The following EEA1 variants were observed in gnomAD, a reference collection of about 807,000 sequenced individuals.
The protein encoded by EEA1 is early endosome antigen 1.
In EEA1, 111 loss-of-function variants were observed where a neutral mutation model predicts 209.2. That is an observed-to-expected ratio of 0.53 (90% CI 0.45 to 0.62). The LOEUF (loss-of-function observed/expected upper bound fraction) is 0.62, where lower values mean the gene tolerates loss of function less well. EEA1 is among the 20% of genes least tolerant of loss of function. The probability of loss-of-function intolerance (pLI) is 0.00; values close to 1 mark genes in which losing one functional copy is unlikely to be tolerated. For synonymous variants in EEA1, 536 were observed against 540.6 expected (o/e 0.99, Z 0.12); for missense variants, 1,343 against 1,530.8 (o/e 0.88, Z 2.05).
intron 18 of EEA1, among the ~76,000 whole-genome samples, chr12:92,806,606 G>T (rs1875217900): frequency 6.6e-6 from 1 of 152,142 alleles, no homozygotes; most frequent in South Asian, 2.1e-4. Context: ...AAAGGAGGAG[G>T]AAATACTTCT....
chr12:92,925,672 C>G (rs140687493), intron 1 of EEA1, among the ~76,000 whole-genome samples: 36 of 152,298 alleles, frequency 2.4e-4, no homozygotes, highest in African/African-American at 7.2e-4. Flanking sequence ...CATATTGGAG[C>G]TACTTCACTT....
In EEA1 at chr12:92,801,663, C is replaced by T; in HGVS notation, c.2709G>A (p.Val903=). ...TCKELKHQLQ[V]QMENTLKEQK... is the part of the protein sequence containing the mutation. The stretch of plus-strand genomic sequence containing the variant: ...GTTCCTTAAGTGTGTTTTCCATCTG[C>T]ACTTGAAGTTGATGCTTTAATTCTT... Residue 903 remains valine (V), a synonymous_variant, in exon 20 of 29, where the codon GTG becomes GTA. Transcript: ENST00000322349. 1.3e-6 allele frequency: 2 copies of T among 1,597,294 alleles called. No homozygotes were observed. The highest frequency in any genetic ancestry group is 1.2e-5 in the South Asian group (1 of 86,784).
At chr12:92,887,796 G>A (rs921953886) in intron 2 of EEA1, among the ~76,000 whole-genome samples, 2 of 151,756 alleles carry the variant, frequency 1.3e-5, no homozygotes, top group African/African-American at 2.4e-5. Context: ...ATCATAAATC[G>A]AAGAGCATCT....
rs190281482 is a variant in EEA1, at chr12:92,780,792, T to A, written c.3337-381A>T. On this transcript the variant is annotated intron_variant, in intron 23 of 28. Coordinates refer to ENST00000322349, the MANE Select transcript of EEA1 (RefSeq NM_003566.4). ...TATATGTAGACTTTTAAATCTCCAT[T>A]TTCTAGGTGAAGAAACAAAGGTTTA... 5.1e-3 allele frequency among the ~76,000 whole-genome samples: 781 copies of A among 152,286 alleles called. 8 individuals are homozygous for A. Among genetic ancestry groups the A allele is most frequent in the Middle Eastern group, 0.017 (5 of 294 alleles).
intron 3 of EEA1, among the ~76,000 whole-genome samples, chr12:92,864,562 T>C (rs2136723256): frequency 6.6e-6 from 1 of 152,304 alleles, no homozygotes. Context: ...TCTAAGCAAA[T>C]CGTATCATCT....
intron 10 of EEA1, among the ~76,000 whole-genome samples, chr12:92,841,453 T>C (rs772034975): frequency 6.3e-4 from 96 of 152,266 alleles, no homozygotes; most frequent in Admixed American, 9.2e-4. Context: ...AAAATGAAAG[T>C]AGATAAATTA....
chr12:92,843,334 T>A (rs1451069528), intron 9 of EEA1, among the ~76,000 whole-genome samples: 1 of 152,042 alleles, frequency 6.6e-6, no homozygotes, highest in Non-Finnish European at 1.5e-5. Flanking sequence ...AATTTTTTTA[T>A]TTTCTGTTGA....
chr12:92,791,441 A>G (rs1874399054), intron 21 of EEA1, among the ~76,000 whole-genome samples: 1 of 152,170 alleles, frequency 6.6e-6, no homozygotes, highest in African/African-American at 2.4e-5. Flanking sequence ...CTACCAAGCA[A>G]ATGGAAAGCA....
intron 1 of EEA1, among the ~76,000 whole-genome samples, chr12:92,895,961 C>T (rs1354489212): frequency 6.6e-6 from 1 of 151,516 alleles, no homozygotes; most frequent in African/African-American, 2.4e-5. Flanking sequence ...CCTGAAGATG[C>T]GACTGATAAT....
In EEA1 at chr12:92,870,615, A is replaced by G. The variant is rs149097885; in HGVS notation, c.118-5628T>C. On this transcript the variant is annotated intron_variant, in intron 2 of 28. Transcript: ENST00000322349. ...TGAGATTCAAGTTCTAACGCTGTAT[A>G]TTTTCCTGAATAGGGACAATAACTG... 5.9e-3 allele frequency among the ~76,000 whole-genome samples: 895 copies of G among 151,430 alleles called. 7 individuals carry two copies. The highest frequency in any genetic ancestry group is 0.021 in the African/African-American group (856 of 41,274).
intron 1 of EEA1, among the ~76,000 whole-genome samples, chr12:92,927,541 C>T (rs1250047853): frequency 6.6e-6 from 1 of 152,200 alleles, no homozygotes; most frequent in Non-Finnish European, 1.5e-5. Flanking sequence ...GAAAACCAAT[C>T]TATAACTACA....
Position 92,816,187 on chromosome 12 carries a change from A to C in EEA1, c.1929+13T>G. 1 of 1,607,576 alleles carries C rather than the reference A, an allele frequency of 6.2e-7. No homozygotes were observed. Among genetic ancestry groups the C allele is most frequent in the Non-Finnish European group, 8.5e-7 (1 of 1,174,746 alleles). On this transcript the variant is annotated intron_variant, in intron 15 of 28. Transcript: ENST00000322349. Reference sequence around the variant, plus strand: ...AAACTGGTGCTTTACACAAACATTAAATTTAATATTACCTGTATGTCAAGC... The same window carrying C: ...AAACTGGTGCTTTACACAAACATTACATTTAATATTACCTGTATGTCAAGC...
chr12:92,810,378 A>C (rs888433629), intron 17 of EEA1, among the ~76,000 whole-genome samples: 3 of 152,104 alleles, frequency 2.0e-5, no homozygotes, highest in African/African-American at 4.8e-5. Flanking sequence ...AAGAATTCTC[A>C]TTAGACACTT....
chr12:92,861,116 GC>G (rs1878127062), intron 3 of EEA1, among the ~76,000 whole-genome samples: 1 of 152,134 alleles, frequency 6.6e-6, no homozygotes. Context: ...ACCATTCTAA[GC>G]CCTTCTGCAG....
At chr12:92,916,388 C>T (rs1183422101) in intron 1 of EEA1, among the ~76,000 whole-genome samples, 6 of 151,772 alleles carry the variant, frequency 4.0e-5, no homozygotes, top group Admixed American at 2.0e-4. Context: ...GGCGCGGTGG[C>T]TCATGCCTGT....
At chr12:92,837,248 G>T (rs1334501521) in intron 10 of EEA1, among the ~76,000 whole-genome samples, 1 of 152,008 alleles carries the variant, frequency 6.6e-6, no homozygotes. Context: ...AGGTAAGTGG[G>T]TATAATAATA....
intron 2 of EEA1, chr12:92,883,838 G>A (rs1392615736): frequency 6.2e-7 from 1 of 1,601,584 alleles, no homozygotes; most frequent in African/African-American, 1.3e-5. Flanking sequence ...GGAGGGTTGA[G>A]CTTTAAAACA....
chr12:92,809,911 C>G (rs1239270348), intron 17 of EEA1, among the ~76,000 whole-genome samples: 1 of 152,160 alleles, frequency 6.6e-6, no homozygotes, highest in Non-Finnish European at 1.5e-5. Context: ...GAAGTTCTCA[C>G]GTACTCCTTC....
At chr12:92,875,877 A>G (rs1413346703) in intron 2 of EEA1, among the ~76,000 whole-genome samples, 5 of 152,132 alleles carry the variant, frequency 3.3e-5, no homozygotes, top group Admixed American at 2.0e-4. Flanking sequence ...GCTGTTCCAC[A>G]GACCTGGAAA....
Sources: allele counts gnomAD v4.1 joint callset (sites outside exome capture counted in the v4.1 genomes callset), GRCh38; gene constraint gnomAD v4.1.1; transcripts MANE v1.5; gene names NCBI Gene and HGNC (gene_info 2026-07-23, HGNC 2026-07-21).